Variants in TTLL11 observed in about 807,000 individuals in gnomAD.
TTLL11 encodes tubulin polyglutamylase TTLL11.
TTLL11 carries 42 observed loss-of-function variants against 51.7 expected under a neutral mutation model. The ratio of observed to expected loss-of-function variants is 0.81; its 90% CI spans 0.64 to 1.05. The LOEUF is 1.05. Ranked by LOEUF, TTLL11 falls within the 50% of genes least tolerant of loss-of-function variation. TTLL11 has a pLI of 0.00. For synonymous variants in TTLL11, 381 were observed against 383.5 expected (o/e 0.99, Z 0.08); for missense variants, 799 against 940.4 (o/e 0.85, Z 1.97).
At chr9:121,861,352 C>T (rs1275551999) in intron 7 of TTLL11, among the ~76,000 whole-genome samples, 1 of 152,224 alleles carries the variant, frequency 6.6e-6, no homozygotes, top group Admixed American at 6.5e-5. Context: ...GCTGGGATTA[C>T]AGGCGTGAGC....
chr9:122,080,612 G>A (rs1845980867), intron 1 of TTLL11, among the ~76,000 whole-genome samples: 1 of 152,040 alleles, frequency 6.6e-6, no homozygotes, highest in Non-Finnish European at 1.5e-5. Context: ...AGGATCACTT[G>A]AGGCCAGGAG....
intron 1 of TTLL11, among the ~76,000 whole-genome samples, chr9:122,048,664 A>G (rs2131843580): frequency 6.6e-6 from 1 of 152,226 alleles, no homozygotes; most frequent in Non-Finnish European, 1.5e-5. Flanking sequence ...TGTCACTGTG[A>G]CTAATTTCGA....
chr9:121,822,437 C>T lies in TTLL11; in HGVS notation c.*150G>A. On this transcript the variant is annotated 3_prime_UTR_variant, in exon 9 of 9. Transcript: ENST00000321582. The surrounding 1 kb of genome is among the most constrained non-coding windows in gnomAD (Gnocchi z 5.8). ...GAGAACCAGCCAGCCTGGTGAAGCA[C>T]AGCTCAGCCGCACACAGAGACAGTT... 1.4e-6 allele frequency: 1 copy of T among 690,860 alleles called. No individual in the cohort carries two copies. The highest frequency in any genetic ancestry group is 2.2e-6 in the Non-Finnish European group (1 of 453,622). The allele number at this position is 690,860 out of a possible 1,614,324, so 42.8% of individuals were successfully genotyped here.
chr9:122,067,336 AC>A (rs1845613135), intron 1 of TTLL11, among the ~76,000 whole-genome samples: 1 of 152,202 alleles, frequency 6.6e-6, no homozygotes, highest in African/African-American at 2.4e-5. Flanking sequence ...TGTTTCTATT[AC>A]GGTGAATCTG....
At chr9:121,913,341 T>C (rs1395023367) in intron 6 of TTLL11, among the ~76,000 whole-genome samples, 1 of 152,160 alleles carries the variant, frequency 6.6e-6, no homozygotes, top group African/African-American at 2.4e-5. Context: ...GATCTGTCCA[T>C]TGGCAAAAAG....
chr9:122,002,354 C>T (rs973341632), intron 3 of TTLL11, among the ~76,000 whole-genome samples: 4 of 152,210 alleles, frequency 2.6e-5, no homozygotes, highest in Non-Finnish European at 2.9e-5. Context: ...GCCACTACCA[C>T]GACCACAACG....
rs942715232 is a variant in TTLL11 at position 122,092,979 on chromosome 9, T to A, written c.170A>T (p.Glu57Val). 1 of 1,567,124 alleles carries A rather than the reference T, an allele frequency of 6.4e-7. No homozygotes were observed. The highest frequency in any genetic ancestry group is 8.6e-7 in the Non-Finnish European group (1 of 1,165,658). ...AAGEPECKAG[E>V]EQPKVLAPAP... is the part of the protein sequence containing the mutation. ...CGGGGCCAGGACCTTGGGCTGCTCC[T>A]CCCCTGCCTTGCACTCCGGTTCCCC... The change falls in exon 1 of 9, where the codon GAG (glutamate) becomes GTG (valine). Residue 57 changes from glutamate (E) to valine (V), a missense_variant. By Grantham distance (121) the Glu-to-Val change is moderately radical. Coordinates refer to ENST00000321582, the MANE Select transcript of TTLL11 (RefSeq NM_001139442.2).
Position 121,869,619 on chromosome 9 carries a change from AC to A in TTLL11, c.1733+877del. 3.3e-5 allele frequency among the ~76,000 whole-genome samples: 5 copies of A among 152,338 alleles called. 1 individual carries two copies. The highest frequency in any genetic ancestry group is 3.3e-4 in the Admixed American group (5 of 15,300). On this transcript the variant is annotated intron_variant, in intron 7 of 8. Coordinates refer to ENST00000321582, the MANE Select transcript of TTLL11 (RefSeq NM_001139442.2). ...ATATATCTATATGAATTATATATAAACATACATATAATTTCATAGAATTCTT... is the reference window on the plus strand; with the variant it reads ...ATATATCTATATGAATTATATATAAAATACATATAATTTCATAGAATTCTT...
chr9:121,894,263 T>A (rs1188357570), intron 6 of TTLL11, among the ~76,000 whole-genome samples: 1 of 152,200 alleles, frequency 6.6e-6, no homozygotes, highest in Non-Finnish European at 1.5e-5. Context: ...GAAACCTTTC[T>A]GGAGAAATAG....
At chr9:121,848,753 TAAA>T (rs1837586490) in intron 8 of TTLL11, among the ~76,000 whole-genome samples, 1 of 152,064 alleles carries the variant, frequency 6.6e-6, no homozygotes, top group Non-Finnish European at 1.5e-5. Flanking sequence ...ATGAAAGAAA[TAAA>T]AAGAAGATCT....
At chr9:122,011,643 T>C (rs1843793949) in intron 3 of TTLL11, among the ~76,000 whole-genome samples, 1 of 152,144 alleles carries the variant, frequency 6.6e-6, no homozygotes, top group South Asian at 2.1e-4. Context: ...TAGGGGTACA[T>C]ATAGGAACAT....
intron 6 of TTLL11, among the ~76,000 whole-genome samples, chr9:121,947,273 G>A (rs982311049): frequency 3.3e-5 from 5 of 152,104 alleles, no homozygotes; most frequent in Non-Finnish European, 5.9e-5. Flanking sequence ...CTACCCATCA[G>A]GAAGTGTTTT....
chr9:122,045,625 A>G (rs1433584869), intron 1 of TTLL11, among the ~76,000 whole-genome samples: 2 of 152,192 alleles, frequency 1.3e-5, no homozygotes, highest in African/African-American at 4.8e-5. Context: ...GCATATTCAC[A>G]ATAGCCAAAA....
At chr9:121,930,966 A>G (rs1840945014) in intron 6 of TTLL11, among the ~76,000 whole-genome samples, 1 of 152,210 alleles carries the variant, frequency 6.6e-6, no homozygotes, top group Non-Finnish European at 1.5e-5. Flanking sequence ...AGCTGGCTGT[A>G]CACAGTGAGG....
In TTLL11 at chr9:121,951,282, C is replaced by T. The variant is rs375761782; in HGVS notation, c.1481+22727G>A. Among the ~76,000 whole-genome samples, 239 of 152,244 alleles carry T rather than the reference C, an allele frequency of 1.6e-3. 1 individual carries two copies. Among genetic ancestry groups the T allele is most frequent in the African/African-American group, 5.6e-3 (232 of 41,548 alleles). On this transcript the variant is annotated intron_variant, in intron 6 of 8. Coordinates refer to ENST00000321582, the MANE Select transcript of TTLL11 (RefSeq NM_001139442.2). ...TTCTCATTAATTTAATTTCTTCTTTCCTCCTGGCTTGTGGATCTTTTTTGT... is the reference window on the plus strand; with the variant it reads ...TTCTCATTAATTTAATTTCTTCTTTTCTCCTGGCTTGTGGATCTTTTTTGT...
intron 3 of TTLL11, among the ~76,000 whole-genome samples, chr9:122,021,886 A>G (rs1327773804): frequency 6.6e-6 from 1 of 152,232 alleles, no homozygotes; most frequent in African/African-American, 2.4e-5. Flanking sequence ...TAGAATTAGG[A>G]GACAGTGACA....
At chr9:121,988,938 A>G (rs1392025221) in intron 4 of TTLL11, 1 of 742,434 alleles carries the variant, frequency 1.3e-6, no homozygotes, top group Non-Finnish European at 2.0e-6. Context: ...TTTAATTCTT[A>G]CAAGAACCTT....
chr9:122,049,608 C>T (rs935325217), intron 1 of TTLL11, among the ~76,000 whole-genome samples: 28 of 152,168 alleles, frequency 1.8e-4, no homozygotes, highest in African/African-American at 6.5e-4. Flanking sequence ...AAATCTTTTC[C>T]CTCTTGACCA....
intron 6 of TTLL11, chr9:121,885,152 T>G (rs569082681): frequency 2.6e-4 from 39 of 152,308 alleles, no homozygotes; most frequent in African/African-American, 9.4e-4. Context: ...TCCACCCAGA[T>G]AGCCCACTTG....
Sources: allele counts gnomAD v4.1 joint callset (sites outside exome capture counted in the v4.1 genomes callset), GRCh38; gene constraint gnomAD v4.1.1; non-coding constraint Gnocchi (gnomAD v3.1); transcripts MANE v1.5; gene names NCBI Gene and HGNC (gene_info 2026-07-23, HGNC 2026-07-21).